MEGF11: variants seen among roughly 807,000 people sequenced by gnomAD.
The protein encoded by MEGF11 is multiple EGF like domains 11, also known as multiple epidermal growth factor-like domains protein 11.
Under a neutral mutation model 146.6 loss-of-function variants are expected in MEGF11, and 126 were observed. That is an observed-to-expected ratio of 0.86 (90% CI 0.74 to 1.00). The LOEUF is 1.00. Among genes scored for constraint, MEGF11 ranks in the 50% least tolerant of loss-of-function variants. The probability of loss-of-function intolerance (pLI) is 0.00; values close to 1 mark genes in which losing one functional copy is unlikely to be tolerated. For missense variants in MEGF11, 1,509 were observed against 1,521.2 expected (o/e 0.99, Z 0.13); for synonymous variants, 532 against 583.4 (o/e 0.91, Z 1.27).
At chr15:66,238,336 C>A (rs912141212) in intron 1 of MEGF11, among the ~76,000 whole-genome samples, 3 of 152,130 alleles carry the variant, frequency 2.0e-5, no homozygotes, top group Non-Finnish European at 4.4e-5. Context: ...GGCTTTTCTG[C>A]GATTCCCTCA....
At chr15:66,081,321 C>T (rs189926868) in intron 5 of MEGF11, among the ~76,000 whole-genome samples, 2 of 152,308 alleles carry the variant, frequency 1.3e-5, no homozygotes, top group African/African-American at 4.8e-5. Flanking sequence ...GACTTTGACT[C>T]CTTAGAAATA....
At chr15:66,013,043 A>G (rs947291564) in intron 5 of MEGF11, among the ~76,000 whole-genome samples, 1 of 152,246 alleles carries the variant, frequency 6.6e-6, no homozygotes, top group African/African-American at 2.4e-5. Flanking sequence ...TTGTCATTTT[A>G]CAGATAAGGA....
intron 2 of MEGF11, among the ~76,000 whole-genome samples, chr15:66,126,299 T>C (rs2088342055): frequency 6.6e-6 from 1 of 152,130 alleles, no homozygotes; most frequent in Non-Finnish European, 1.5e-5. Context: ...AGAAAGCACC[T>C]GGTGTCACCA....
chr15:65,929,740 T>G lies in MEGF11; in HGVS notation c.1552A>C (p.Thr518Pro). Reference sequence around the variant, plus strand: ...CTCACCGGGCAAGGCAGCTCACAGGTGTCTCCCAGCCAGCCAGGAGTGCAG... The same window carrying G: ...CTCACCGGGCAAGGCAGCTCACAGGGGTCTCCCAGCCAGCCAGGAGTGCAG... ...CSCTPGWLGD[T>P]CELPCPDGTF... Residue 518 changes from threonine (T) to proline (P), a missense_variant, in exon 12 of 26, where the codon ACC (threonine) becomes CCC (proline). Transcript: ENST00000395614. 1.3e-6 allele frequency: 2 copies of G among 1,551,954 alleles called. No homozygotes were observed. Among genetic ancestry groups the G allele is most frequent in the Non-Finnish European group, 1.7e-6 (2 of 1,147,248 alleles).
intron 5 of MEGF11, 94 bp downstream of exon 5, chr15:66,094,308 G>T: frequency 9.3e-7 from 1 of 1,077,166 alleles, no homozygotes; most frequent in Non-Finnish European, 1.3e-6. Context: ...AGTCGCCCCA[G>T]CACAACACAA....
intron 1 of MEGF11, among the ~76,000 whole-genome samples, chr15:66,147,034 G>A (rs1283796105): frequency 6.6e-6 from 1 of 152,162 alleles, no homozygotes; most frequent in Non-Finnish European, 1.5e-5. Flanking sequence ...TGGGAATTGG[G>A]GATAAACGGT....
At chr15:65,964,864 C>T (rs770342662) in intron 9 of MEGF11, 44 bp downstream of exon 9, 4 of 1,490,272 alleles carry the variant, frequency 2.7e-6, no homozygotes, top group Admixed American at 4.2e-5. Context: ...TCTACCTGAG[C>T]ACCCCCCGCC....
At chr15:66,153,865 G>A (rs1200788676) in intron 1 of MEGF11, among the ~76,000 whole-genome samples, 1 of 152,152 alleles carries the variant, frequency 6.6e-6, no homozygotes, top group Non-Finnish European at 1.5e-5. Flanking sequence ...GGCAGACAGG[G>A]TCACACGGGC....
At chr15:66,076,096 G>A (rs1227211606) in intron 5 of MEGF11, among the ~76,000 whole-genome samples, 1 of 152,192 alleles carries the variant, frequency 6.6e-6, no homozygotes, top group Admixed American at 6.5e-5. Flanking sequence ...TAGATGGACA[G>A]ATGGATGGAA....
chr15:66,176,825 G>C (rs2090399733), intron 1 of MEGF11, among the ~76,000 whole-genome samples: 1 of 152,208 alleles, frequency 6.6e-6, no homozygotes, highest in African/African-American at 2.4e-5. Flanking sequence ...CTGTCTGCCT[G>C]AGAGATGGCC....
At chr15:66,248,167 A>G (rs2092322254) in intron 1 of MEGF11, among the ~76,000 whole-genome samples, 2 of 152,170 alleles carry the variant, frequency 1.3e-5, no homozygotes, top group Admixed American at 1.3e-4. Context: ...GATTGTGAGG[A>G]TATAACACCT....
At chr15:66,051,545 C>T (rs2084445825) in intron 5 of MEGF11, among the ~76,000 whole-genome samples, 1 of 152,198 alleles carries the variant, frequency 6.6e-6, no homozygotes, top group Non-Finnish European at 1.5e-5. Context: ...AGCTCTCTCT[C>T]AAAGGCTTCC....
At chr15:66,038,170 C>T (rs931248705) in intron 5 of MEGF11, among the ~76,000 whole-genome samples, 2 of 152,108 alleles carry the variant, frequency 1.3e-5, no homozygotes, top group African/African-American at 4.8e-5. Flanking sequence ...CCTAGGAGCA[C>T]CAGGAATGAT....
chr15:66,066,253 G>T (rs1248966870), intron 5 of MEGF11, among the ~76,000 whole-genome samples: 1 of 152,032 alleles, frequency 6.6e-6, no homozygotes, highest in Non-Finnish European at 1.5e-5. Context: ...GCCGAGAGAC[G>T]CCAGGGGCTC....
chr15:66,208,412 A>G (rs550193170), intron 1 of MEGF11, among the ~76,000 whole-genome samples: 1 of 152,212 alleles, frequency 6.6e-6, no homozygotes, highest in Non-Finnish European at 1.5e-5. Context: ...ATAATCCCCA[A>G]GAAGACCAGA....
chr15:66,155,824 T>A (rs1199391589), intron 1 of MEGF11, among the ~76,000 whole-genome samples: 1 of 152,210 alleles, frequency 6.6e-6, no homozygotes, highest in Non-Finnish European at 1.5e-5. Context: ...CCCACTCCAC[T>A]GCTGCAGCCC....
At chr15:65,975,245 G>A (rs432396) in intron 7 of MEGF11, among the ~76,000 whole-genome samples, 93,742 of 151,994 alleles carry the variant, frequency 0.62, 29,440 homozygotes, top group Non-Finnish European at 0.68. Context: ...TGATCCTCCC[G>A]CCTCAGCCTT....
intron 5 of MEGF11, among the ~76,000 whole-genome samples, chr15:66,071,687 A>C (rs1365182347): frequency 6.6e-6 from 1 of 152,190 alleles, no homozygotes; most frequent in Non-Finnish European, 1.5e-5. Flanking sequence ...CAGTGCACAA[A>C]AGAGGGGAAA....
At chr15:66,026,837 T>C (rs1027346528) in intron 5 of MEGF11, among the ~76,000 whole-genome samples, 4 of 152,160 alleles carry the variant, frequency 2.6e-5, no homozygotes, top group Admixed American at 6.5e-5. Flanking sequence ...AAGGTACTTA[T>C]CAACTGTGGC....
Sources: gnomAD v4.1 joint callset for allele counts (sites outside exome capture counted in the v4.1 genomes callset) on GRCh38, gnomAD v4.1.1 for gene constraint, MANE v1.5 for transcripts, NCBI Gene and HGNC (gene_info 2026-07-23, HGNC 2026-07-21) for gene names.